Variants in MAN1C1 observed in about 807,000 individuals in gnomAD.
MAN1C1 encodes mannosidase alpha class 1C member 1.
MAN1C1 carries 49 observed loss-of-function variants against 71.5 expected under a neutral mutation model. The ratio of observed to expected loss-of-function variants is 0.69; its 90% CI spans 0.54 to 0.87. MAN1C1 has a LOEUF of 0.87. Ranked by LOEUF, MAN1C1 falls within the 40% of genes least tolerant of loss-of-function variation. MAN1C1 has a pLI of 0.00. For missense variants in MAN1C1, 743 were observed against 835.0 expected, an observed-to-expected ratio of 0.89 and a Z score of 1.36; for synonymous variants, 352 against 343.7, an observed-to-expected ratio of 1.02 and a Z score of -0.27.
At position 25,656,095 on chromosome 1, in the gene MAN1C1, C is replaced by CTTTTTTTTTTTTTTTTTTTTT. The variant is rs59710145; in HGVS notation, c.541-30343_541-30323dup. On this transcript the variant is annotated intron_variant, in intron 1 of 11. Transcript: ENST00000374332. The stretch of plus-strand genomic sequence containing the variant: ...TATGTCTTAGGTTGGGATTATCAGT[C>CTTTTTTTTTTTTTTTTTTTTT]TTTTTTTTTTTTTTTTTTTTTTGAG... 4.8e-4 allele frequency among the ~76,000 whole-genome samples: 36 copies of CTTTTTTTTTTTTTTTTTTTTT among 74,974 alleles called. 6 individuals carry two copies. Among genetic ancestry groups the CTTTTTTTTTTTTTTTTTTTTT allele is most frequent in the African/African-American group, 1.8e-3 (22 of 12,208 alleles). The allele number at this position is 74,974 out of a possible 152,430, so 49.2% of individuals were successfully genotyped here. A position where few individuals can be genotyped will look rare whatever the true frequency, so the allele number is the denominator to read the frequency against.
rs368272462 is a variant in MAN1C1 at position 25,711,584 on chromosome 1, T to C, written c.637+25048T>C. ...GACAGAACTAAAGGACATATTTTTATTGAAGCACTCATTCTGCATGTATTG... is the reference window on the plus strand; with the variant it reads ...GACAGAACTAAAGGACATATTTTTACTGAAGCACTCATTCTGCATGTATTG... On this transcript the variant is annotated intron_variant, in intron 2 of 11. Coordinates refer to ENST00000374332, the MANE Select transcript of MAN1C1 (RefSeq NM_020379.4). This position sits in a 1 kb window ranked among gnomAD's most constrained non-coding sequence, Gnocchi z 4.3. 2.6e-5 allele frequency among the ~76,000 whole-genome samples: 4 copies of C among 152,234 alleles called. No individual in the cohort carries two copies. Among genetic ancestry groups the C allele is most frequent in the East Asian group, 1.9e-4 (1 of 5,200 alleles).
intron 2 of MAN1C1, among the ~76,000 whole-genome samples, chr1:25,737,694 C>T (rs554906677): frequency 3.9e-5 from 6 of 152,242 alleles, no homozygotes; most frequent in South Asian, 4.1e-4. Flanking sequence ...GACAAAGTCA[C>T]ATGCAGCAGA....
At chr1:25,691,917 C>A (rs1044534551) in intron 2 of MAN1C1, among the ~76,000 whole-genome samples, 8 of 152,326 alleles carry the variant, frequency 5.3e-5, no homozygotes, top group African/African-American at 1.9e-4. Context: ...TAACAGATAT[C>A]CATCTTTCCA....
Position 25,617,614 on chromosome 1 carries a change from G to A in MAN1C1, c.-184G>A. 1 of 521,974 alleles carries A rather than the reference G, an allele frequency of 1.9e-6. No homozygotes were observed. The highest frequency in any genetic ancestry group is 3.3e-6 in the Non-Finnish European group (1 of 306,302). 32.3% of individuals were successfully genotyped at this position (521,974 alleles called of 1,614,324 possible). A position where few individuals can be genotyped will look rare whatever the true frequency, so the allele number is the denominator to read the frequency against. Reference sequence around the variant, plus strand: ...CCGCTGCGCCCCCGCCTCCTCGCGGGAGGACTCGCTCCAAACTCCCTGAAC... The same window carrying A: ...CCGCTGCGCCCCCGCCTCCTCGCGGAAGGACTCGCTCCAAACTCCCTGAAC... On this transcript the variant is annotated 5_prime_UTR_variant, in exon 1 of 12. Coordinates refer to ENST00000374332, the MANE Select transcript of MAN1C1 (RefSeq NM_020379.4). This position sits in a 1 kb window ranked among gnomAD's most constrained non-coding sequence, Gnocchi z 5.1.
chr1:25,747,905 G>T (rs1031028108), intron 3 of MAN1C1, among the ~76,000 whole-genome samples: 1 of 151,768 alleles, frequency 6.6e-6, no homozygotes, highest in African/African-American at 2.4e-5. Context: ...ACACTATGAA[G>T]TCTGATACTG....
rs111357421 is a variant in MAN1C1, at chr1:25,746,909, A to G, written c.753+126A>G. 3.4e-3 allele frequency: 2,294 copies of G among 676,888 alleles called. 47 individuals carry two copies. In the African/African-American group the frequency reaches 0.037, roughly 11 times the overall value. The allele number at this position is 676,888 out of a possible 1,614,324, so 41.9% of individuals were successfully genotyped here. A position where few individuals can be genotyped will look rare whatever the true frequency, so the allele number is the denominator to read the frequency against. ...CTCTCCCACGGCTGCACAGCCCAGC[A>G]GTCTCGGAACCGGAGCTGCCGTGCA... On this transcript the variant is annotated intron_variant, in intron 3 of 11. Transcript: ENST00000374332. The surrounding 1 kb of genome is among the most constrained non-coding windows in gnomAD (Gnocchi z 4.0).
At chr1:25,704,795 C>T (rs1363863230) in intron 2 of MAN1C1, among the ~76,000 whole-genome samples, 3 of 152,246 alleles carry the variant, frequency 2.0e-5, no homozygotes, top group African/African-American at 7.2e-5. Flanking sequence ...TCCAGATACT[C>T]TGATTTAGCA....
intron 2 of MAN1C1, among the ~76,000 whole-genome samples, chr1:25,710,777 G>T (rs1167617139): frequency 6.6e-6 from 1 of 152,166 alleles, no homozygotes; most frequent in Non-Finnish European, 1.5e-5. Context: ...GAACCTGAAG[G>T]CTGATGACTT....
At chr1:25,644,188 G>T (rs2045577683) in intron 1 of MAN1C1, among the ~76,000 whole-genome samples, 1 of 152,126 alleles carries the variant, frequency 6.6e-6, no homozygotes. Context: ...GTGGGGGAAA[G>T]AATGGCATTT....
At chr1:25,740,077 C>A (rs1172617280) in intron 2 of MAN1C1, among the ~76,000 whole-genome samples, 1 of 152,196 alleles carries the variant, frequency 6.6e-6, no homozygotes, top group Non-Finnish European at 1.5e-5. Flanking sequence ...TAGGAGCCAA[C>A]CCCTCAGGAG....
rs138293960 is a variant in MAN1C1, at chr1:25,618,265, C to A, written c.468C>A (p.Val156=). The part of the protein sequence containing the change: ...NAFRSRLRHP[V]LGTRADESQE... ...TCCGGAGCCGTCTCCGCCACCCGGT[C>A]CTGGGAACGAGGGCCGATGAGAGTC... Residue 156 remains valine, a synonymous_variant, in exon 1 of 12, where the codon GTC becomes GTA. Transcript: ENST00000374332. The A allele has an allele frequency of 6.2e-7, 1 of 1,604,244 alleles. No homozygotes were observed. Among genetic ancestry groups the A allele is most frequent in the African/African-American group, 1.3e-5 (1 of 74,796 alleles).
intron 1 of MAN1C1, among the ~76,000 whole-genome samples, chr1:25,625,914 A>G (rs1180554691): frequency 1.3e-5 from 2 of 152,234 alleles, no homozygotes; most frequent in Non-Finnish European, 2.9e-5. Flanking sequence ...AAATTGATCC[A>G]TATTGTGCGT....
Position 25,775,885 on chromosome 1 carries a change from T to TTTTG in MAN1C1, c.1258-2208_1258-2205dup, listed in dbSNP as rs1008743834. The TTTTG allele has an allele frequency of 6.6e-6, 1 of 152,542 alleles. No individual in the cohort carries two copies. The highest frequency in any genetic ancestry group is 1.5e-5 in the Non-Finnish European group (1 of 68,372). The allele number at this position is 152,542 out of a possible 1,614,324, so 9.4% of individuals were successfully genotyped here. ...TTGTTTTGTTTTGTTTTCTTGGGTT[T>TTTTG]TTTGTTTGTTTGTTTTTTTATGACA... On this transcript the variant is annotated intron_variant, in intron 8 of 11. Transcript: ENST00000374332. The surrounding 1 kb of genome is among the most constrained non-coding windows in gnomAD (Gnocchi z 5.1).
chr1:25,672,423 A>T (rs775373605), intron 1 of MAN1C1, among the ~76,000 whole-genome samples: 3 of 152,220 alleles, frequency 2.0e-5, no homozygotes, highest in Non-Finnish European at 4.4e-5. Flanking sequence ...CCCTTAGTGC[A>T]GTCAAGTTGA....
intron 2 of MAN1C1, among the ~76,000 whole-genome samples, chr1:25,698,535 C>T (rs1259728500): frequency 6.6e-6 from 1 of 152,150 alleles, no homozygotes; most frequent in Admixed American, 6.6e-5. Flanking sequence ...GTGACCCTCC[C>T]CGGCCAGTGA....
chr1:25,758,848 T>A, intron 6 of MAN1C1, 139 bp downstream of exon 6: 1 of 755,976 alleles, frequency 1.3e-6, no homozygotes, highest in Non-Finnish European at 2.3e-6. Context: ...AAGCTACCAC[T>A]AAGGTAGCAA....
At chr1:25,704,821 G>A (rs1231644280) in intron 2 of MAN1C1, among the ~76,000 whole-genome samples, 2 of 152,348 alleles carry the variant, frequency 1.3e-5, no homozygotes, top group South Asian at 2.1e-4. Flanking sequence ...TGAGAGGAAG[G>A]CATGTTTCCT....
At chr1:25,630,736 A>G (rs556844731) in intron 1 of MAN1C1, among the ~76,000 whole-genome samples, 2 of 152,302 alleles carry the variant, frequency 1.3e-5, no homozygotes, top group South Asian at 4.1e-4. Flanking sequence ...TAGCAGTGCT[A>G]CTGATTTGTA....
intron 4 of MAN1C1, among the ~76,000 whole-genome samples, chr1:25,752,895 G>A (rs1416984825): frequency 6.6e-6 from 1 of 152,258 alleles, no homozygotes; most frequent in Non-Finnish European, 1.5e-5. Flanking sequence ...TCTTACGCAG[G>A]AAGAGGGAAA....
Sources: gnomAD v4.1 joint callset for allele counts (sites outside exome capture counted in the v4.1 genomes callset) on GRCh38, gnomAD v4.1.1 for gene constraint, Gnocchi (gnomAD v3.1) non-coding constraint, MANE v1.5 for transcripts, NCBI Gene and HGNC (gene_info 2026-07-23, HGNC 2026-07-21) for gene names.